PXDN: variants seen among roughly 807,000 people sequenced by gnomAD.
PXDN encodes peroxidasin.
Under a neutral mutation model 140.3 loss-of-function variants are expected in PXDN, and 77 were observed. That is an observed-to-expected ratio of 0.55 (90% CI 0.46 to 0.66). The LOEUF is 0.66. Ranked by LOEUF, PXDN falls within the 30% of genes least tolerant of loss-of-function variation. The probability of loss-of-function intolerance (pLI) is 0.00; values close to 1 mark genes in which losing one functional copy is unlikely to be tolerated. For missense variants in PXDN, 1,838 were observed against 2,039.5 expected, an observed-to-expected ratio of 0.90 and a Z score of 1.90; for synonymous variants, 911 against 857.4, an observed-to-expected ratio of 1.06 and a Z score of -1.09.
chr2:1,695,252 C>T (rs943354628), intron 1 of PXDN, among the ~76,000 whole-genome samples: 1 of 152,246 alleles, frequency 6.6e-6, no homozygotes, highest in Non-Finnish European at 1.5e-5. Flanking sequence ...GAAGTCGGTG[C>T]CACCAAAACC....
At chr2:1,688,018 G>A (rs757629244) in intron 3 of PXDN, among the ~76,000 whole-genome samples, 9 of 152,190 alleles carry the variant, frequency 5.9e-5, no homozygotes, top group Non-Finnish European at 1.0e-4. Flanking sequence ...GCCTGAAGAA[G>A]ATAAAAACCA....
At chr2:1,729,224 G>GA (rs1186152580) in intron 1 of PXDN, among the ~76,000 whole-genome samples, 4 of 152,200 alleles carry the variant, frequency 2.6e-5, no homozygotes, top group South Asian at 4.1e-4. Context: ...ACCATTTGCA[G>GA]AAAAAACAAA....
intron 1 of PXDN, among the ~76,000 whole-genome samples, chr2:1,701,426 G>A (rs922870400): frequency 1.3e-5 from 2 of 152,214 alleles, no homozygotes; most frequent in Admixed American, 6.5e-5. Context: ...TGAAGGGCAC[G>A]GACGAGTTTC....
chr2:1,711,028 A>T (rs62649810), intron 1 of PXDN, among the ~76,000 whole-genome samples: 1 of 15,340 alleles, frequency 6.5e-5, no homozygotes. Flanking sequence ...ACCAGCACCC[A>T]CTCCACCAGC....
In PXDN at chr2:1,649,370, C is replaced by A; in HGVS notation, c.2410G>T (p.Gly804Trp). 5.6e-6 allele frequency: 9 copies of A among 1,613,950 alleles called. No homozygotes were observed. Among genetic ancestry groups the A allele is most frequent in the Non-Finnish European group, 7.6e-6 (9 of 1,179,892 alleles). ...TCGTCGGGTGTGACGGTCTCCGTCC[C>A]GATCAGGGTGGTGGACACCAGGCGC... ...MPRLVSTTLI[G>W]TETVTPDEQF... Residue 804 changes from glycine to tryptophan, a missense_variant, in exon 17 of 23, where the codon GGG (glycine) becomes TGG (tryptophan). Gly to Trp is a radical substitution (Grantham distance 184). This residue lies in a region of PXDN where 537 missense variants were observed against 583.9 expected (regional missense o/e 0.92). Coordinates refer to ENST00000252804, the MANE Select transcript of PXDN (RefSeq NM_012293.3). This position sits in a 1 kb window ranked among gnomAD's most constrained non-coding sequence, Gnocchi z 7.1.
intron 6 of PXDN, among the ~76,000 whole-genome samples, chr2:1,682,976 G>T (rs1306713474): frequency 6.6e-6 from 1 of 152,330 alleles, no homozygotes; most frequent in East Asian, 1.9e-4. Context: ...TTAGTATGCT[G>T]TAGAAAGACA....
intron 8 of PXDN, 30 bp downstream of exon 8, chr2:1,676,897 C>A (rs748308236): frequency 1.5e-5 from 23 of 1,583,174 alleles, no homozygotes; most frequent in Non-Finnish European, 1.7e-5. Flanking sequence ...GAGAGATGCA[C>A]AGGGGCATTT....
chr2:1,676,818 G>A (rs1396866249), intron 8 of PXDN, 109 bp downstream of exon 8: 3 of 1,002,414 alleles, frequency 3.0e-6, no homozygotes, highest in Non-Finnish European at 4.6e-6. Context: ...TTCCCTACGT[G>A]GAGGAGGAAA....
chr2:1,686,600 A>C (rs1422159044), intron 4 of PXDN, among the ~76,000 whole-genome samples: 2 of 152,272 alleles, frequency 1.3e-5, no homozygotes, highest in South Asian at 2.1e-4. Flanking sequence ...AGCTCTCCCT[A>C]CATCTGGGTG....
chr2:1,702,967 AG>A, intron 1 of PXDN, among the ~76,000 whole-genome samples: 1 of 130,234 alleles, frequency 7.7e-6, no homozygotes, highest in African/African-American at 2.9e-5. Flanking sequence ...CAGTCTAGAA[AG>A]GCGGGACAAC....
intron 11 of PXDN, chr2:1,664,729 T>A: frequency 2.0e-6 from 1 of 499,612 alleles, no homozygotes; most frequent in East Asian, 3.1e-5. Context: ...ATGACAGAGC[T>A]TCTCAGAGTT....
chr2:1,644,713 C>T lies in PXDN; in HGVS notation c.3648G>A (p.Ala1216=), dbSNP rs546974375. ...CAGGCACCAGGTCCTCCACCACGAG[C>T]GCCGGAAACAGGTCGATGTTGAGTG... ...GSTLNIDLFP[A]LVVEDLVPGS... Residue 1216 remains alanine, a synonymous_variant, in exon 18 of 23, where the codon GCG becomes GCA. Coordinates refer to ENST00000252804, the MANE Select transcript of PXDN (RefSeq NM_012293.3). 2.3e-5 allele frequency: 36 copies of T among 1,595,322 alleles called. No individual in the cohort carries two copies. The highest frequency in any genetic ancestry group is 3.4e-5 in the South Asian group (3 of 88,328).
intron 1 of PXDN, among the ~76,000 whole-genome samples, chr2:1,739,503 T>C (rs1685492254): frequency 6.6e-6 from 1 of 152,146 alleles, no homozygotes; most frequent in Admixed American, 6.5e-5. Context: ...GATCTAACAA[T>C]AGAAGAGCTC....
intron 13 of PXDN, 139 bp from the exon 14 acceptor site, chr2:1,661,176 G>A (rs911739179): frequency 3.0e-6 from 3 of 991,950 alleles, no homozygotes; most frequent in Admixed American, 5.0e-5. Flanking sequence ...GATCCATCCA[G>A]GCCTGGAAAG....
chr2:1,680,963 C>T (rs115553248), intron 6 of PXDN, among the ~76,000 whole-genome samples: 1,728 of 152,330 alleles, frequency 0.011, 37 homozygotes, highest in African/African-American at 0.039. Context: ...AAGGGGAACA[C>T]GGGCAGGATG....
At position 1,634,326 on chromosome 2, in the gene PXDN, G is replaced by A. The variant is rs1281804302; in HGVS notation, c.4321-3C>T. 2 of 1,575,304 alleles carry A rather than the reference G, an allele frequency of 1.3e-6. No individual in the cohort carries two copies. The highest frequency in any genetic ancestry group is 1.8e-5 in the Admixed American group (1 of 54,412). ...ACGAAGCAGGTGACCTGCCCGTCCT[G>A]GAGAAGAGAGACGGAGCACAGCCTG... On this transcript the variant is annotated splice_region_variant and splice_polypyrimidine_tract_variant and intron_variant, in intron 22 of 22. Coordinates refer to ENST00000252804, the MANE Select transcript of PXDN (RefSeq NM_012293.3).
rs1461226145 is a variant in PXDN at position 1,710,904 on chromosome 2, TCTCCACCAGCACCCA to T, written c.201-17785_201-17771del. Among the ~76,000 whole-genome samples, 267 of 104,252 alleles carry T rather than the reference TCTCCACCAGCACCCA, an allele frequency of 2.6e-3. 4 individuals are homozygous for T. Among genetic ancestry groups the T allele is most frequent in the East Asian group, 0.014 (14 of 1,010 alleles). The allele number at this position is 104,252 out of a possible 152,430, so 68.4% of individuals were successfully genotyped here. On this transcript the variant is annotated intron_variant, in intron 1 of 22. Coordinates refer to ENST00000252804, the MANE Select transcript of PXDN (RefSeq NM_012293.3). Reference sequence around the variant, plus strand: ...CAGCACCTGCTCCACCAGCACCCACTCTCCACCAGCACCCACTCCACCAGCACCCACTCTATGAAC... The same window carrying T: ...CAGCACCTGCTCCACCAGCACCCACTCTCCACCAGCACCCACTCTATGAAC...
intron 1 of PXDN, among the ~76,000 whole-genome samples, chr2:1,710,746 A>T (rs62640416): frequency 8.9e-5 from 4 of 44,750 alleles, no homozygotes; most frequent in Admixed American, 2.4e-4. Flanking sequence ...ACCAGCACCC[A>T]CTCCACCAGC....
At chr2:1,708,118 G>A (rs1457462960) in intron 1 of PXDN, among the ~76,000 whole-genome samples, 2 of 152,206 alleles carry the variant, frequency 1.3e-5, no homozygotes, top group African/African-American at 4.8e-5. Flanking sequence ...AAACCCGGGA[G>A]CTGGTGTTTG....
Sources: allele counts gnomAD v4.1 joint callset (sites outside exome capture counted in the v4.1 genomes callset), GRCh38; gene constraint gnomAD v4.1.1; regional missense constraint gnomAD v4.1.1; non-coding constraint Gnocchi (gnomAD v3.1); transcripts MANE v1.5; gene names NCBI Gene and HGNC (gene_info 2026-07-23, HGNC 2026-07-21).